Variants in GABRB1 observed in about 807,000 individuals in gnomAD.
GABRB1 encodes the protein gamma-aminobutyric acid type A receptor subunit beta1.
A neutral mutation model predicts 51.6 loss-of-function variants in GABRB1; 17 were observed. The observed-to-expected ratio is 0.33, with a 90% CI of 0.23 to 0.49. The LOEUF (loss-of-function observed/expected upper bound fraction) is 0.49, where lower values mean the gene tolerates loss of function less well. GABRB1 is among the 20% of genes least tolerant of loss of function. The probability of loss-of-function intolerance (pLI) is 0.99; values close to 1 mark genes in which losing one functional copy is unlikely to be tolerated. For missense variants in GABRB1, 410 were observed against 600.6 expected (o/e 0.68, Z 3.32); for synonymous variants, 247 against 218.9 (o/e 1.13, Z -1.14).
At chr4:47,268,813 T>C (rs1383631592) in intron 4 of GABRB1, among the ~76,000 whole-genome samples, 1 of 152,178 alleles carries the variant, frequency 6.6e-6, no homozygotes, top group African/African-American at 2.4e-5. Context: ...TTATAACATA[T>C]TGGACATAAT....
intron 3 of GABRB1, among the ~76,000 whole-genome samples, chr4:47,149,297 C>T (rs917828896): frequency 6.6e-6 from 1 of 151,922 alleles, no homozygotes; most frequent in East Asian, 1.9e-4. Flanking sequence ...CTGCATTGTT[C>T]TGTAACATAT....
chr4:47,164,737 T>A (rs1718100464), intron 4 of GABRB1, among the ~76,000 whole-genome samples: 1 of 152,094 alleles, frequency 6.6e-6, no homozygotes, highest in African/African-American at 2.4e-5. Flanking sequence ...GAGTCAGTTG[T>A]CTATTTTTGT....
At chr4:47,115,789 A>G (rs1319034761) in intron 3 of GABRB1, among the ~76,000 whole-genome samples, 2 of 152,168 alleles carry the variant, frequency 1.3e-5, no homozygotes, top group Admixed American at 1.3e-4. Context: ...GTAATTAGGA[A>G]TTTCTGTGAT....
At chr4:47,294,063 C>A (rs1217776267) in intron 4 of GABRB1, among the ~76,000 whole-genome samples, 3 of 152,180 alleles carry the variant, frequency 2.0e-5, no homozygotes, top group Admixed American at 1.3e-4. Context: ...AATATAAAAG[C>A]ATGCTTAGTA....
intron 5 of GABRB1, among the ~76,000 whole-genome samples, chr4:47,331,440 C>T (rs1032561650): frequency 6.6e-6 from 1 of 152,084 alleles, no homozygotes; most frequent in Non-Finnish European, 1.5e-5. Context: ...TTGTTCACTT[C>T]TATACTACAG....
chr4:47,402,711 A>C lies in GABRB1; in HGVS notation c.545-607A>C, dbSNP rs79660264. On this transcript the variant is annotated intron_variant, in intron 5 of 8. Transcript: ENST00000295454. ...CACTCTCATAAGTATAAAGATATAA[A>C]AGCATTATCAAAAATTTATGTAGTC... Among the ~76,000 whole-genome samples, 9 of 152,282 alleles carry C rather than the reference A, an allele frequency of 5.9e-5. No individual in the cohort carries two copies. The East Asian group carries it at 9.6e-4, about 16-fold the overall frequency.
intron 3 of GABRB1, among the ~76,000 whole-genome samples, chr4:47,061,114 T>C (rs1020435068): frequency 6.6e-6 from 1 of 152,248 alleles, no homozygotes. Context: ...TCTATTTTTC[T>C]AAAGGCTTTG....
At position 47,206,566 on chromosome 4, in the gene GABRB1, T is replaced by G. The variant is rs538166848; in HGVS notation, c.461+45097T>G. On this transcript the variant is annotated intron_variant, in intron 4 of 8. Transcript: ENST00000295454. Reference sequence around the variant, plus strand: ...GCCAACATTGTTTTGTTGCTTACTATGTGTGAAGCATGTATTTCATTATTT... The same window carrying G: ...GCCAACATTGTTTTGTTGCTTACTAGGTGTGAAGCATGTATTTCATTATTT... Among the ~76,000 whole-genome samples the G allele has an allele frequency of 2.0e-5, 3 of 152,126 alleles. No homozygotes were observed. The East Asian group carries it at 5.8e-4, about 29-fold the overall frequency.
At chr4:47,292,279 G>A (rs1035702405) in intron 4 of GABRB1, among the ~76,000 whole-genome samples, 1 of 152,198 alleles carries the variant, frequency 6.6e-6, no homozygotes, top group East Asian at 1.9e-4. Flanking sequence ...GGCATCCCCA[G>A]CATGTGGAAC....
chr4:47,316,469 C>T (rs1290762320), intron 4 of GABRB1, among the ~76,000 whole-genome samples: 2 of 151,960 alleles, frequency 1.3e-5, no homozygotes, highest in Non-Finnish European at 2.9e-5. Flanking sequence ...TTTCTTTCTC[C>T]ATTCATCTGT....
intron 1 of GABRB1, among the ~76,000 whole-genome samples, chr4:47,019,323 A>G (rs925456097): frequency 4.6e-4 from 70 of 151,846 alleles, no homozygotes; most frequent in African/African-American, 1.6e-3. Context: ...CTTTTTGTCT[A>G]CCCTAACCTC....
intron 3 of GABRB1, among the ~76,000 whole-genome samples, chr4:47,138,634 A>G (rs1487013327): frequency 6.6e-6 from 1 of 152,088 alleles, no homozygotes; most frequent in Non-Finnish European, 1.5e-5. Flanking sequence ...AACTATAAAG[A>G]CATCATAATT....
intron 1 of GABRB1, among the ~76,000 whole-genome samples, chr4:47,024,134 C>A (rs1024060098): frequency 6.6e-6 from 1 of 151,776 alleles, no homozygotes; most frequent in Non-Finnish European, 1.5e-5. Context: ...TTTTTGTTTT[C>A]TCCTAGTAGT....
At chr4:47,257,774 T>C (rs1261500958) in intron 4 of GABRB1, among the ~76,000 whole-genome samples, 2 of 151,996 alleles carry the variant, frequency 1.3e-5, no homozygotes, top group Non-Finnish European at 2.9e-5. Context: ...AAAAAGACTT[T>C]ACTTTGTTCT....
At chr4:47,316,057 A>G (rs1306143428) in intron 4 of GABRB1, among the ~76,000 whole-genome samples, 1 of 151,652 alleles carries the variant, frequency 6.6e-6, no homozygotes, top group African/African-American at 2.4e-5. Context: ...AAAATTATAT[A>G]ATAAATATTT....
chr4:47,079,940 T>C (rs1727753557), intron 3 of GABRB1, among the ~76,000 whole-genome samples: 1 of 151,852 alleles, frequency 6.6e-6, no homozygotes. Context: ...ATGGCACATG[T>C]ATACATATGT....
intron 4 of GABRB1, among the ~76,000 whole-genome samples, chr4:47,296,578 A>C (rs1724003244): frequency 6.6e-6 from 1 of 152,230 alleles, no homozygotes; most frequent in Non-Finnish European, 1.5e-5. Flanking sequence ...ATATATATGC[A>C]CCCAATTCAG....
At chr4:47,118,066 A>C (rs1388667132) in intron 3 of GABRB1, among the ~76,000 whole-genome samples, 1 of 152,208 alleles carries the variant, frequency 6.6e-6, no homozygotes, top group Non-Finnish European at 1.5e-5. Flanking sequence ...GTTAAAATAA[A>C]ATATATAGGA....
At chr4:47,302,826 A>G (rs1487011210) in intron 4 of GABRB1, among the ~76,000 whole-genome samples, 1 of 151,980 alleles carries the variant, frequency 6.6e-6, no homozygotes, top group Non-Finnish European at 1.5e-5. Flanking sequence ...GTTAATTGGA[A>G]CATTCAGGTT....
Sources: allele counts gnomAD v4.1 joint callset (sites outside exome capture counted in the v4.1 genomes callset), GRCh38; gene constraint gnomAD v4.1.1; transcripts MANE v1.5; gene names NCBI Gene and HGNC (gene_info 2026-07-23, HGNC 2026-07-21).